The following XIST variants were observed in gnomAD, a reference collection of about 807,000 sequenced individuals.
XIST encodes X inactive specific transcript.
rs755876362 is a variant in XIST, at chrX:73,823,587, C to T, written n.16314G>A. 3.2e-5 allele frequency: 18 copies of T among 558,355 alleles called. No individual in the cohort carries two copies. The South Asian group carries it at 4.0e-4, about 12-fold the overall frequency. The allele number at this position is 558,355 out of a possible 1,213,427, so 46.0% of individuals were successfully genotyped here. A position where few individuals can be genotyped will look rare whatever the true frequency, so the allele number is the denominator to read the frequency against. Reference sequence around the variant, plus strand: ...GGCATTTATTTTTACTCCTTTACTTCTGTAGGCCAGGTCAAGGTGGGTCTA... The same window carrying T: ...GGCATTTATTTTTACTCCTTTACTTTTGTAGGCCAGGTCAAGGTGGGTCTA... On this transcript the variant is annotated non_coding_transcript_exon_variant, in exon 6 of 6. Transcript: ENST00000429829.
At chrX:73,839,805 T>C (rs1003289658) in intron 1 of XIST, among the ~76,000 whole-genome samples, 7 of 110,114 alleles carry the variant, frequency 6.4e-5, no homozygotes, top group African/African-American at 2.0e-4. Flanking sequence ...CACCTTTGGA[T>C]GCTATCTAGT....
At chrX:73,848,313 G>A (rs1922826132) in exon 1 of XIST, 1 of 553,799 alleles carries the variant, frequency 1.8e-6, no homozygotes, top group Non-Finnish European at 3.3e-6. Context: ...CTGGAGGAGG[G>A]GCATTAGGTA....
In XIST at chrX:73,849,383, G is replaced by A. The variant is rs751428323; in HGVS notation, n.3341C>T. ...AGAGTGCTGTCTAATCCAATGGGTA[G>A]GATTATTGGCAATTAGAATTTTACT... On this transcript the variant is annotated non_coding_transcript_exon_variant, in exon 1 of 6. Transcript: ENST00000429829. 2.9e-5 allele frequency: 16 copies of A among 558,881 alleles called. No individual in the cohort carries two copies. The East Asian group carries it at 4.9e-4, about 17-fold the overall frequency. 46.1% of individuals were successfully genotyped at this position (558,881 alleles called of 1,213,427 possible).
chrX:73,829,821 C>A (rs1012310379), intron 4 of XIST, among the ~76,000 whole-genome samples: 1 of 107,287 alleles, frequency 9.3e-6, no homozygotes, highest in Non-Finnish European at 1.9e-5. Context: ...AGACTTCCAT[C>A]CTGTTTTAAG....
chrX:73,826,258 A>G (rs1235094730), exon 6 of XIST: 5 of 558,851 alleles, frequency 8.9e-6, no homozygotes, highest in South Asian at 8.9e-5. Flanking sequence ...TTTTTCCCCA[A>G]CAACCTGACC....
intron 5 of XIST, chrX:73,828,901 C>T (rs1922321887): frequency 7.7e-6 from 3 of 391,527 alleles, no homozygotes; most frequent in South Asian, 1.0e-4. Flanking sequence ...CTTTGAGTTG[C>T]TTCAGTGAAC....
At chrX:73,846,788 A>G in exon 1 of XIST, 1 of 559,305 alleles carries the variant, frequency 1.8e-6, no homozygotes, top group Non-Finnish European at 3.2e-6. Context: ...CTGTCCTTCA[A>G]AAGGAAGGAT....
In XIST at chrX:73,844,272, C is replaced by T. The variant is rs778733819; in HGVS notation, n.8452G>A. The T allele has an allele frequency of 2.3e-5, 13 of 558,893 alleles. No individual in the cohort carries two copies. The South Asian group carries it at 2.4e-4, about 11-fold the overall frequency. The allele number at this position is 558,893 out of a possible 1,213,427, so 46.1% of individuals were successfully genotyped here. ...GGATGAACCATGTGGTGATTACATA[C>T]ATTAATGTCCAAGGGACATTGTTGT... On this transcript the variant is annotated non_coding_transcript_exon_variant, in exon 1 of 6. Coordinates refer to ENST00000429829, the Ensembl canonical transcript of XIST.
chrX:73,852,306 G>T (rs775852071), exon 1 of XIST: 2 of 529,787 alleles, frequency 3.8e-6, no homozygotes, highest in African/African-American at 4.9e-5. Context: ...GAATAAAAAA[G>T]AATTAAAAGG....
At chrX:73,822,315 G>A (rs1001580605) in exon 6 of XIST, 2 of 554,457 alleles carry the variant, frequency 3.6e-6, no homozygotes, top group African/African-American at 2.2e-5. Context: ...TGGCCAGAGT[G>A]GTAGAAGAGA....
chrX:73,827,596 A>G (rs1292330950), exon 6 of XIST: 1 of 547,525 alleles, frequency 1.8e-6, no homozygotes, highest in Non-Finnish European at 3.3e-6. Context: ...CCAGACTCAG[A>G]AAAAAGGTGA....
chrX:73,849,993 A>G (rs1922875056), exon 1 of XIST: 1 of 555,884 alleles, frequency 1.8e-6, no homozygotes, highest in African/African-American at 2.3e-5. Context: ...GAAATACTCC[A>G]ATATAATAAG....
chrX:73,842,101 GAT>G, exon 1 of XIST: 1 of 538,517 alleles, frequency 1.9e-6, no homozygotes, highest in East Asian at 3.3e-5. Flanking sequence ...AGTATAAATG[GAT>G]ATTTTGGCTT....
At position 73,843,806 on chromosome X, in the gene XIST, G is replaced by C. The variant is rs767750498; in HGVS notation, n.8918C>G. On this transcript the variant is annotated non_coding_transcript_exon_variant, in exon 1 of 6. Coordinates refer to ENST00000429829, the Ensembl canonical transcript of XIST. ...TCTAGTGCACAGATCAGGAGCAAAT[G>C]TAATTGCACATATTAACAGTCCAAA... 4 of 558,876 alleles carry C rather than the reference G, an allele frequency of 7.2e-6. No homozygotes were observed. The South Asian group carries it at 8.9e-5, about 12-fold the overall frequency. 46.1% of individuals were successfully genotyped at this position (558,876 alleles called of 1,213,427 possible).
exon 6 of XIST, chrX:73,826,249 T>A (rs1376675660): frequency 1.8e-6 from 1 of 557,508 alleles, no homozygotes; most frequent in Non-Finnish European, 3.2e-6. Flanking sequence ...TGGCACTTTT[T>A]TTTCCCCAAC....
rs763791260 is a variant in XIST at position 73,822,373 on chromosome X, T to TA, written n.17527_17528insT. 3.9e-4 allele frequency: 207 copies of TA among 531,477 alleles called. 2 individuals carry two copies. The South Asian group carries it at 4.9e-3, about 12-fold the overall frequency. The allele number at this position is 531,477 out of a possible 1,213,427, so 43.8% of individuals were successfully genotyped here. On this transcript the variant is annotated non_coding_transcript_exon_variant, in exon 6 of 6. Transcript: ENST00000429829. ...ACAATGTTATTTAGGGACTAAGCCA[T>TA]GCCCCTAACAAGAAAACAAGCCAAA...
exon 1 of XIST, chrX:73,843,849 G>A (rs779219321): frequency 5.2e-5 from 29 of 556,963 alleles, no homozygotes; most frequent in Middle Eastern, 3.1e-4. Flanking sequence ...GACTTTGGTT[G>A]ATCAGGACAC....
exon 6 of XIST, chrX:73,825,295 T>G: frequency 1.8e-6 from 1 of 559,098 alleles, no homozygotes; most frequent in Non-Finnish European, 3.2e-6. Flanking sequence ...TACATATAAT[T>G]TATTCATTTA....
In XIST at chrX:73,850,701, G is replaced by C. The variant is rs763261086; in HGVS notation, n.2023C>G. 4.7e-3 allele frequency: 1,268 copies of C among 268,895 alleles called. 2 individuals are homozygous for C. Among genetic ancestry groups the C allele is most frequent in the Non-Finnish European group, 6.4e-3 (947 of 148,891 alleles). 22.2% of individuals were successfully genotyped at this position (268,895 alleles called of 1,213,427 possible). ...GACCAGAGGGGGGTAGGGGGGTAGGGGGGTAGGGGGGTGGGGAGGTGGGGG... is the reference window on the plus strand; with the variant it reads ...GACCAGAGGGGGGTAGGGGGGTAGGCGGGTAGGGGGGTGGGGAGGTGGGGG... On this transcript the variant is annotated non_coding_transcript_exon_variant, in exon 1 of 6. Coordinates refer to ENST00000429829, the Ensembl canonical transcript of XIST.
Sources: allele counts gnomAD v4.1 joint callset (sites outside exome capture counted in the v4.1 genomes callset), GRCh38; gene constraint gnomAD v4.1.1; transcripts MANE v1.5; gene names NCBI Gene and HGNC (gene_info 2026-07-23, HGNC 2026-07-21).